The following EVI5 variants were observed in gnomAD, a reference collection of about 807,000 sequenced individuals.
EVI5 encodes ecotropic viral integration site 5 protein homolog.
EVI5 carries 73 observed loss-of-function variants against 112.0 expected under a neutral mutation model. That is an observed-to-expected ratio of 0.65 (90% CI 0.54 to 0.79). EVI5 has a LOEUF of 0.79. Among genes scored for constraint, EVI5 ranks in the 30% least tolerant of loss-of-function variants. The probability of loss-of-function intolerance (pLI) is 0.00; values close to 1 mark genes in which losing one functional copy is unlikely to be tolerated. For missense variants in EVI5, 900 were observed against 968.8 expected (o/e 0.93, Z 0.94); for synonymous variants, 305 against 319.9 (o/e 0.95, Z 0.50).
chr1:92,729,878 T>C (rs1325604500), intron 2 of EVI5, among the ~76,000 whole-genome samples: 1 of 152,208 alleles, frequency 6.6e-6, no homozygotes, highest in African/African-American at 2.4e-5. Context: ...TCCAATACTT[T>C]ACAAAGAAAA....
intron 1 of EVI5, among the ~76,000 whole-genome samples, chr1:92,780,954 C>T (rs775688706): frequency 2.6e-5 from 4 of 151,528 alleles, no homozygotes; most frequent in South Asian, 2.1e-4. Flanking sequence ...TAGGTTCAAG[C>T]GATTCTCCTG....
chr1:92,519,711 G>A (rs751770633), intron 19 of EVI5, among the ~76,000 whole-genome samples: 14 of 151,752 alleles, frequency 9.2e-5, no homozygotes, highest in Non-Finnish European at 1.6e-4. Context: ...TGGCCAACAT[G>A]GGGAAACTCC....
Position 92,773,113 on chromosome 1 carries a change from G to A in EVI5, c.-82+11723C>T, listed in dbSNP as rs751708651. On this transcript the variant is annotated intron_variant, in intron 1 of 19. Coordinates refer to ENST00000684568, the MANE Select transcript of EVI5 (RefSeq NM_001350197.2). Reference sequence around the variant, plus strand: ...TCCCAGCACTCGGGAGGCTGAGCCAGGAGAATCTCTTGAACCCAGGAGGCA... The same window carrying A: ...TCCCAGCACTCGGGAGGCTGAGCCAAGAGAATCTCTTGAACCCAGGAGGCA... 6.3e-4 allele frequency among the ~76,000 whole-genome samples: 95 copies of A among 151,488 alleles called. 1 individual carries two copies. The highest frequency in any genetic ancestry group is 1.1e-3 in the Non-Finnish European group (75 of 67,882).
At chr1:92,605,254 G>C in intron 18 of EVI5, 53 bp downstream of exon 18, 1 of 1,155,248 alleles carries the variant, frequency 8.7e-7, no homozygotes, top group Non-Finnish European at 1.3e-6. Flanking sequence ...TTCAGACAAA[G>C]AGGATAGAAG....
At chr1:92,789,407 A>G (rs925584621), upstream of EVI5, among the ~76,000 whole-genome samples, 5 of 151,558 alleles carry the variant, frequency 3.3e-5, no homozygotes, top group Admixed American at 6.6e-5. Flanking sequence ...GGTTCACGCC[A>G]TTCTCCTGCC....
chr1:92,551,456 A>G (rs928395982), intron 19 of EVI5, among the ~76,000 whole-genome samples: 3 of 152,182 alleles, frequency 2.0e-5, no homozygotes, highest in Non-Finnish European at 4.4e-5. Flanking sequence ...ATGAATGGAA[A>G]AAAATTTAAA....
intron 1 of EVI5, among the ~76,000 whole-genome samples, chr1:92,738,673 C>T (rs1429360500): frequency 6.6e-6 from 1 of 152,168 alleles, no homozygotes; most frequent in East Asian, 1.9e-4. Flanking sequence ...CTACTAAAGA[C>T]TGAACTTCAA....
chr1:92,676,247 T>C (rs79448995), intron 10 of EVI5, among the ~76,000 whole-genome samples: 2,921 of 152,130 alleles, frequency 0.019, 110 homozygotes, highest in African/African-American at 0.066. Context: ...AGAGTATTAG[T>C]TTAACAGAAC....
intron 16 of EVI5, among the ~76,000 whole-genome samples, chr1:92,623,939 C>CA (rs1388813727): frequency 1.3e-5 from 2 of 152,116 alleles, no homozygotes; most frequent in African/African-American, 4.8e-5. Context: ...GAGTTTTACC[C>CA]AAAAAAGTCA....
chr1:92,723,669 T>C (rs1301076219), intron 2 of EVI5, among the ~76,000 whole-genome samples: 2 of 152,132 alleles, frequency 1.3e-5, no homozygotes, highest in African/African-American at 4.8e-5. Flanking sequence ...AGAAAATCAG[T>C]GCACCCTGAA....
At chr1:92,677,134 T>G (rs1666880057) in intron 10 of EVI5, 24 bp downstream of exon 10, 1 of 1,498,574 alleles carries the variant, frequency 6.7e-7, no homozygotes, top group Non-Finnish European at 9.2e-7. Flanking sequence ...CAATCAGTAC[T>G]TTAAAAAGCC....
rs200063630 is a variant in EVI5, at chr1:92,513,510, AATATATAT to A, written c.*138_*145del. 333 of 172,526 alleles carry A rather than the reference AATATATAT, an allele frequency of 1.9e-3. No individual in the cohort carries two copies. The highest frequency in any genetic ancestry group is 2.4e-3 in the Non-Finnish European group (215 of 90,764). The allele number at this position is 172,526 out of a possible 1,614,324, so 10.7% of individuals were successfully genotyped here. On this transcript the variant is annotated 3_prime_UTR_variant, in exon 20 of 20. Coordinates refer to ENST00000684568, the MANE Select transcript of EVI5 (RefSeq NM_001350197.2). ...GATAAAAAGGCAGATAAGACTGTAAAATATATATATATATATATATATATATATATATA... is the reference window on the plus strand; with the variant it reads ...GATAAAAAGGCAGATAAGACTGTAAAATATATATATATATATATATATATA...
chr1:92,735,637 G>A (rs1437789842), intron 2 of EVI5, among the ~76,000 whole-genome samples: 2 of 16,418 alleles, frequency 1.2e-4, no homozygotes, highest in African/African-American at 1.9e-4. Flanking sequence ...TATGATATAT[G>A]TCATATATAT....
intron 13 of EVI5, chr1:92,647,384 CCTT>C (rs752180979): frequency 3.0e-5 from 8 of 270,646 alleles, no homozygotes; most frequent in South Asian, 1.3e-4. Context: ...ACATGAAGGT[CCTT>C]CTTCTTGCCT....
At chr1:92,663,753 T>G (rs1572175557) in intron 11 of EVI5, among the ~76,000 whole-genome samples, 1 of 152,176 alleles carries the variant, frequency 6.6e-6, no homozygotes, top group Non-Finnish European at 1.5e-5. Flanking sequence ...TTTGTTTTTT[T>G]AAAATAGAGA....
chr1:92,572,344 T>C (rs775282493), intron 18 of EVI5, among the ~76,000 whole-genome samples: 14 of 152,076 alleles, frequency 9.2e-5, no homozygotes, highest in Admixed American at 4.6e-4. Context: ...AGAGTGGAGA[T>C]AGTGGGTTTA....
chr1:92,739,273 C>CAAAAAA lies in EVI5; in HGVS notation c.-81-2652_-81-2647dup, dbSNP rs72016918. 2.2e-4 allele frequency among the ~76,000 whole-genome samples: 17 copies of CAAAAAA among 76,404 alleles called. 1 individual carries two copies. The highest frequency in any genetic ancestry group is 8.8e-4 in the Admixed American group (5 of 5,670). The allele number at this position is 76,404 out of a possible 152,430, so 50.1% of individuals were successfully genotyped here. A position where few individuals can be genotyped will look rare whatever the true frequency, so the allele number is the denominator to read the frequency against. On this transcript the variant is annotated intron_variant, in intron 1 of 19. Coordinates refer to ENST00000684568, the MANE Select transcript of EVI5 (RefSeq NM_001350197.2). The stretch of plus-strand genomic sequence containing the variant: ...GAGCAACAAAAGCGAAACTCCGTCT[C>CAAAAAA]AAAAAAAAAAAAAAAAAAAGCGAAC...
chr1:92,593,669 C>T (rs1009472578), intron 18 of EVI5, among the ~76,000 whole-genome samples: 1 of 152,120 alleles, frequency 6.6e-6, no homozygotes, highest in Admixed American at 6.5e-5. Context: ...ATCTAGAAAA[C>T]CCCATCGTCT....
intron 10 of EVI5, among the ~76,000 whole-genome samples, chr1:92,673,607 T>C (rs1044514652): frequency 3.9e-5 from 6 of 152,092 alleles, no homozygotes; most frequent in Non-Finnish European, 7.4e-5. Context: ...GCTGGGATTA[T>C]AGGCGTGAGC....
Sources: gnomAD v4.1 joint callset for allele counts (sites outside exome capture counted in the v4.1 genomes callset) on GRCh38, gnomAD v4.1.1 for gene constraint, MANE v1.5 for transcripts, NCBI Gene and HGNC (gene_info 2026-07-23, HGNC 2026-07-21) for gene names.